CSMD1: variants seen among roughly 807,000 people sequenced by gnomAD.
The protein encoded by CSMD1 is CUB and Sushi multiple domains 1.
Under a neutral mutation model 417.5 loss-of-function variants are expected in CSMD1, and 213 were observed. The observed-to-expected ratio is 0.51, with a 90% CI of 0.46 to 0.57. The LOEUF is 0.57. CSMD1 is among the 20% of genes least tolerant of loss of function. CSMD1 has a pLI of 0.00. For synonymous variants in CSMD1, 2,862 were observed against 1,736.8 expected, an observed-to-expected ratio of 1.65 and a Z score of -16.11; for missense variants, 6,923 against 4,529.7, an observed-to-expected ratio of 1.53 and a Z score of -15.17.
At chr8:4,001,215 G>T (rs1210183395) in intron 4 of CSMD1, among the ~76,000 whole-genome samples, 1 of 152,124 alleles carries the variant, frequency 6.6e-6, no homozygotes, top group Non-Finnish European at 1.5e-5. Flanking sequence ...AAGCTTAACC[G>T]ATTCTTCTGG....
intron 1 of CSMD1, among the ~76,000 whole-genome samples, chr8:4,818,074 G>T (rs575492061): frequency 6.6e-6 from 1 of 152,286 alleles, no homozygotes; most frequent in South Asian, 2.1e-4. Context: ...AACCAACTCA[G>T]GAGGATGCAT....
intron 1 of CSMD1, among the ~76,000 whole-genome samples, chr8:4,675,203 T>C (rs1001748873): frequency 6.6e-6 from 1 of 152,230 alleles, no homozygotes; most frequent in African/African-American, 2.4e-5. Context: ...CCTGTTCTAG[T>C]GAACAATTCT....
intron 5 of CSMD1, among the ~76,000 whole-genome samples, chr8:3,983,697 T>C (rs998131064): frequency 6.6e-6 from 1 of 152,208 alleles, no homozygotes; most frequent in Non-Finnish European, 1.5e-5. Flanking sequence ...TCTAATCCCA[T>C]GGATTGGGGG....
chr8:4,684,161 G>T (rs1326568443), intron 1 of CSMD1, among the ~76,000 whole-genome samples: 3 of 152,216 alleles, frequency 2.0e-5, no homozygotes, highest in Non-Finnish European at 4.4e-5. Flanking sequence ...GACAAGGAAT[G>T]CAAAAACCTT....
At chr8:3,350,063 G>C (rs1585037486) in intron 21 of CSMD1, among the ~76,000 whole-genome samples, 1 of 141,162 alleles carries the variant, frequency 7.1e-6, no homozygotes, top group South Asian at 2.2e-4. Context: ...ATAATAACTT[G>C]TGTATGTGTG....
intron 3 of CSMD1, among the ~76,000 whole-genome samples, chr8:4,305,212 A>G (rs11779669): frequency 0.76 from 115,518 of 152,166 alleles, 43,930 homozygotes; most frequent in East Asian, 0.85. Context: ...TCCCCAACAG[A>G]GAAGGATGAA....
In CSMD1 at chr8:4,928,309, AT is replaced by A. The variant is rs201807661; in HGVS notation, c.85+66022del. Reference sequence around the variant, plus strand: ...CTCCCATATGTGCACAATCCCCTTTATTTTTCTACGGAATTTTTGCCACCAT... The same window carrying A: ...CTCCCATATGTGCACAATCCCCTTTATTTTCTACGGAATTTTTGCCACCAT... On this transcript the variant is annotated intron_variant, in intron 1 of 69. Transcript: ENST00000635120. 6.6e-5 allele frequency among the ~76,000 whole-genome samples: 10 copies of A among 151,432 alleles called. No homozygotes were observed. In the East Asian group the frequency reaches 1.9e-3, roughly 29 times the overall value.
intron 7 of CSMD1, among the ~76,000 whole-genome samples, chr8:3,696,080 G>C (rs1179503358): frequency 4.6e-5 from 7 of 152,278 alleles, no homozygotes; most frequent in Middle Eastern, 6.8e-3. Flanking sequence ...GGGGGACAGG[G>C]AATGAGACAT....
intron 2 of CSMD1, among the ~76,000 whole-genome samples, chr8:4,493,370 G>C (rs1319127043): frequency 6.6e-6 from 1 of 152,064 alleles, no homozygotes; most frequent in African/African-American, 2.4e-5. Flanking sequence ...TGTTAGTTTG[G>C]TAAAGGATTA....
At chr8:4,761,635 C>G (rs930870209) in intron 1 of CSMD1, among the ~76,000 whole-genome samples, 1 of 151,992 alleles carries the variant, frequency 6.6e-6, no homozygotes, top group South Asian at 2.1e-4. Context: ...CAAATGAAAT[C>G]ATTATAATTC....
chr8:3,578,556 T>G (rs1800248970), intron 9 of CSMD1, among the ~76,000 whole-genome samples: 1 of 152,184 alleles, frequency 6.6e-6, no homozygotes. Context: ...GAATACAAAT[T>G]TATCTGATGT....
chr8:4,840,001 G>A (rs959452507), intron 1 of CSMD1, among the ~76,000 whole-genome samples: 2 of 152,152 alleles, frequency 1.3e-5, no homozygotes, highest in Admixed American at 6.5e-5. Context: ...ACTTACAGGT[G>A]CTTTTTGTCC....
chr8:3,991,845 T>G (rs531212580), intron 5 of CSMD1, among the ~76,000 whole-genome samples: 4 of 152,314 alleles, frequency 2.6e-5, no homozygotes, highest in East Asian at 3.9e-4. Context: ...GGTTGAATAT[T>G]TAACTACTTT....
chr8:3,647,174 A>C (rs947989012), intron 7 of CSMD1, among the ~76,000 whole-genome samples: 2 of 152,140 alleles, frequency 1.3e-5, no homozygotes, highest in Non-Finnish European at 2.9e-5. Flanking sequence ...GTGCAACTCA[A>C]GTTCAAGAGG....
intron 5 of CSMD1, among the ~76,000 whole-genome samples, chr8:3,930,214 G>T (rs566390497): frequency 2.7e-5 from 4 of 150,154 alleles, no homozygotes; most frequent in Non-Finnish European, 5.9e-5. Flanking sequence ...TTCTATACGT[G>T]ACAAGTAAAG....
intron 7 of CSMD1, among the ~76,000 whole-genome samples, chr8:3,675,791 T>C (rs1799342621): frequency 6.6e-6 from 1 of 152,152 alleles, no homozygotes; most frequent in Non-Finnish European, 1.5e-5. Context: ...AGCTGCCCAG[T>C]CTATGATATT....
intron 5 of CSMD1, among the ~76,000 whole-genome samples, chr8:3,821,910 G>A (rs1241719238): frequency 6.6e-6 from 1 of 152,190 alleles, no homozygotes; most frequent in Admixed American, 6.5e-5. Context: ...TCCAGAAGCT[G>A]GATGCGATGA....
At chr8:3,193,555 G>T (rs1436514399) in intron 33 of CSMD1, among the ~76,000 whole-genome samples, 1 of 152,034 alleles carries the variant, frequency 6.6e-6, no homozygotes, top group East Asian at 1.9e-4. Context: ...ATTTCAGACG[G>T]CATCCGAGAG....
chr8:3,971,107 G>C (rs1160913882), intron 5 of CSMD1, among the ~76,000 whole-genome samples: 2 of 152,108 alleles, frequency 1.3e-5, no homozygotes, highest in East Asian at 3.9e-4. Context: ...AGAACCATGT[G>C]ATCCAACATG....
Sources: allele counts gnomAD v4.1 joint callset (sites outside exome capture counted in the v4.1 genomes callset), GRCh38; gene constraint gnomAD v4.1.1; transcripts MANE v1.5; gene names NCBI Gene and HGNC (gene_info 2026-07-23, HGNC 2026-07-21).